The following THRB variants were observed in gnomAD, a reference collection of about 807,000 sequenced individuals.
THRB encodes nuclear receptor subfamily 1 group A member 2.
A neutral mutation model predicts 47.8 loss-of-function variants in THRB; 12 were observed. The observed-to-expected ratio is 0.25, with a 90% CI of 0.16 to 0.41. The LOEUF is 0.41. Among genes scored for constraint, THRB ranks in the 10% least tolerant of loss-of-function variants. The pLI is 1.00. For missense variants in THRB, 348 were observed against 589.2 expected (o/e 0.59, Z 4.24); for synonymous variants, 218 against 212.2 (o/e 1.03, Z -0.24).
At chr3:24,376,245 G>A (rs2065276576) in intron 1 of THRB, among the ~76,000 whole-genome samples, 1 of 152,196 alleles carries the variant, frequency 6.6e-6, no homozygotes, top group African/African-American at 2.4e-5. Context: ...GTCCACGGCT[G>A]TGATCCTTGA....
intron 3 of THRB, among the ~76,000 whole-genome samples, chr3:24,252,148 A>G (rs1433669113): frequency 6.6e-6 from 1 of 152,154 alleles, no homozygotes; most frequent in African/African-American, 2.4e-5. Context: ...GTAAGACTAT[A>G]TGAATGTTAT....
At chr3:24,273,405 CATTA>C (rs1371337636) in intron 3 of THRB, among the ~76,000 whole-genome samples, 2 of 152,104 alleles carry the variant, frequency 1.3e-5, no homozygotes, top group Non-Finnish European at 2.9e-5. Context: ...TGGAATATGA[CATTA>C]ATTAATATCT....
In THRB at chr3:24,441,601, C is replaced by T. The variant is rs142280017; in HGVS notation, c.-261+53051G>A. On this transcript the variant is annotated intron_variant, in intron 1 of 10. Coordinates refer to ENST00000646209, the MANE Select transcript of THRB (RefSeq NM_001354712.2). ...TTGGAGAGAGTATTATTGAATGAAC[C>T]GAGGCAATAAATGTAAAACATAGCA... Among the ~76,000 whole-genome samples, 184 of 152,156 alleles carry T rather than the reference C, an allele frequency of 1.2e-3. 1 individual carries two copies. Among genetic ancestry groups the T allele is most frequent in the Non-Finnish European group, 1.9e-3 (131 of 67,996 alleles).
intron 5 of THRB, among the ~76,000 whole-genome samples, chr3:24,177,123 A>G (rs746622202): frequency 7.2e-5 from 11 of 152,188 alleles, no homozygotes; most frequent in Non-Finnish European, 1.2e-4. Flanking sequence ...CCTGACTCTG[A>G]AATTTGCAAT....
intron 3 of THRB, among the ~76,000 whole-genome samples, chr3:24,279,422 C>T (rs959589298): frequency 3.3e-5 from 5 of 151,858 alleles, no homozygotes; most frequent in East Asian, 3.9e-4. Context: ...CTCATTCTGT[C>T]GCCCAGGCTG....
At chr3:24,492,440 G>T (rs902442308) in intron 1 of THRB, among the ~76,000 whole-genome samples, 2 of 152,224 alleles carry the variant, frequency 1.3e-5, no homozygotes, top group African/African-American at 4.8e-5. Flanking sequence ...AGTGGTCAGG[G>T]AAGGGCTTTC....
At chr3:24,289,723 A>T (rs971693109) in intron 3 of THRB, among the ~76,000 whole-genome samples, 3 of 152,228 alleles carry the variant, frequency 2.0e-5, no homozygotes, top group Non-Finnish European at 2.9e-5. Context: ...AAATATCGAA[A>T]AGGCTGTCAC....
intron 1 of THRB, chr3:24,458,613 A>G (rs1234725699): frequency 2.0e-5 from 3 of 152,172 alleles, no homozygotes; most frequent in Non-Finnish European, 4.4e-5. Flanking sequence ...TAAATGGTAA[A>G]ACTGACTAAC....
intron 5 of THRB, among the ~76,000 whole-genome samples, chr3:24,188,503 A>G (rs2042890879): frequency 6.6e-6 from 1 of 152,168 alleles, no homozygotes; most frequent in African/African-American, 2.4e-5. Context: ...TTTATTTTAA[A>G]TGATTGATAG....
intron 1 of THRB, among the ~76,000 whole-genome samples, chr3:24,349,755 A>G (rs1182216550): frequency 6.6e-6 from 1 of 152,158 alleles, no homozygotes; most frequent in African/African-American, 2.4e-5. Flanking sequence ...AAGATAACAT[A>G]TGGGAATATA....
At chr3:24,346,333 A>G (rs1189654562) in intron 1 of THRB, among the ~76,000 whole-genome samples, 4 of 152,056 alleles carry the variant, frequency 2.6e-5, no homozygotes, top group African/African-American at 9.7e-5. Context: ...AGAAGAGTAA[A>G]AGAATAAATG....
At chr3:24,211,755 T>A (rs1204478700) in intron 4 of THRB, among the ~76,000 whole-genome samples, 1 of 152,146 alleles carries the variant, frequency 6.6e-6, no homozygotes, top group Non-Finnish European at 1.5e-5. Context: ...CTTCATGAAG[T>A]CTTTATCTTG....
chr3:24,247,465 G>C (rs1047780816), intron 3 of THRB, among the ~76,000 whole-genome samples: 2 of 152,176 alleles, frequency 1.3e-5, no homozygotes, highest in Non-Finnish European at 2.9e-5. Context: ...GGGAACTAAA[G>C]TTAAGAGATG....
chr3:24,464,687 C>T (rs2073989201), intron 1 of THRB, among the ~76,000 whole-genome samples: 1 of 152,086 alleles, frequency 6.6e-6, no homozygotes, highest in Non-Finnish European at 1.5e-5. Context: ...GTTGATCACA[C>T]TTTTTTTGTA....
At chr3:24,155,467 T>G (rs756753153) in intron 5 of THRB, among the ~76,000 whole-genome samples, 1 of 152,224 alleles carries the variant, frequency 6.6e-6, no homozygotes, top group African/African-American at 2.4e-5. Flanking sequence ...TCAATCATTA[T>G]GCCTAAGTCC....
chr3:24,472,808 G>A (rs1444073333), intron 1 of THRB, among the ~76,000 whole-genome samples: 1 of 152,208 alleles, frequency 6.6e-6, no homozygotes, highest in Non-Finnish European at 1.5e-5. Context: ...ACTGACAGAA[G>A]ATTCAATTCT....
intron 1 of THRB, among the ~76,000 whole-genome samples, chr3:24,392,968 A>G (rs1347688611): frequency 2.0e-5 from 3 of 152,168 alleles, no homozygotes; most frequent in African/African-American, 4.8e-5. Context: ...ATAAAAATAA[A>G]TGCTATTGAA....
At chr3:24,488,321 C>A (rs1697612719) in intron 1 of THRB, among the ~76,000 whole-genome samples, 1 of 152,216 alleles carries the variant, frequency 6.6e-6, no homozygotes, top group South Asian at 2.1e-4. Flanking sequence ...CCAATCCTTT[C>A]CTAATTGTGT....
chr3:24,229,486 T>C (rs1164136397), intron 3 of THRB, among the ~76,000 whole-genome samples: 1 of 152,200 alleles, frequency 6.6e-6, no homozygotes, highest in Non-Finnish European at 1.5e-5. Context: ...TTTCAAGTCA[T>C]AGACACACTG....
Sources: gnomAD v4.1 joint callset for allele counts (sites outside exome capture counted in the v4.1 genomes callset) on GRCh38, gnomAD v4.1.1 for gene constraint, MANE v1.5 for transcripts, NCBI Gene and HGNC (gene_info 2026-07-23, HGNC 2026-07-21) for gene names.